The following MRRF variants were observed in gnomAD, a reference collection of about 807,000 sequenced individuals.
MRRF encodes ribosome-recycling factor, mitochondrial.
MRRF carries 18 observed loss-of-function variants against 25.1 expected under a neutral mutation model. That is an observed-to-expected ratio of 0.72 (90% CI 0.50 to 1.06). MRRF has a LOEUF of 1.06. Ranked by LOEUF, MRRF falls within the 50% of genes least tolerant of loss-of-function variation. The pLI, the probability that MRRF is intolerant of heterozygous loss-of-function variation, is 0.00. For synonymous variants in MRRF, 113 were observed against 112.1 expected, an observed-to-expected ratio of 1.01 and a Z score of -0.05; for missense variants, 323 against 319.3, an observed-to-expected ratio of 1.01 and a Z score of -0.09.
chr9:122,267,875 A>G (rs1000146984), intron 1 of MRRF, among the ~76,000 whole-genome samples: 5 of 152,168 alleles, frequency 3.3e-5, no homozygotes, highest in Non-Finnish European at 5.9e-5. Flanking sequence ...TAATATCACT[A>G]TGATGATGAT....
chr9:122,320,862 A>G (rs1056355921), intron 6 of MRRF, among the ~76,000 whole-genome samples: 4 of 152,202 alleles, frequency 2.6e-5, no homozygotes, highest in African/African-American at 7.2e-5. Context: ...CCTTGGCACC[A>G]TGCTGCAGCC....
intron 5 of MRRF, among the ~76,000 whole-genome samples, chr9:122,296,948 A>G (rs1487692805): frequency 6.6e-6 from 1 of 152,204 alleles, no homozygotes; most frequent in Non-Finnish European, 1.5e-5. Flanking sequence ...CCAAGTTTGC[A>G]TCTTTCCTTG....
At chr9:122,320,909 C>G (rs2119014128) in intron 6 of MRRF, among the ~76,000 whole-genome samples, 1 of 152,338 alleles carries the variant, frequency 6.6e-6, no homozygotes, top group Middle Eastern at 3.4e-3. Flanking sequence ...TGCTTTCAGT[C>G]TCTTTTCGAC....
At chr9:122,311,630 GT>G (rs984683663) in intron 5 of MRRF, among the ~76,000 whole-genome samples, 1 of 151,950 alleles carries the variant, frequency 6.6e-6, no homozygotes, top group Non-Finnish European at 1.5e-5. Context: ...TTTAATGTAT[GT>G]TTTTTCCTCC....
At chr9:122,299,026 A>G (rs1834269368) in intron 5 of MRRF, among the ~76,000 whole-genome samples, 2 of 152,040 alleles carry the variant, frequency 1.3e-5, no homozygotes, top group African/African-American at 2.4e-5. Context: ...CTGAGGTGGG[A>G]GTCTACCTGG....
intron 5 of MRRF, among the ~76,000 whole-genome samples, chr9:122,304,062 AACACACACAC>A (rs66775611): frequency 9.3e-5 from 13 of 139,886 alleles, no homozygotes; most frequent in South Asian, 2.4e-4. Flanking sequence ...ACCCTTTTCT[AACACACACAC>A]ACACACACAC....
intron 6 of MRRF, among the ~76,000 whole-genome samples, chr9:122,319,058 C>G (rs1002986518): frequency 6.6e-6 from 1 of 152,120 alleles, no homozygotes; most frequent in Non-Finnish European, 1.5e-5. Context: ...GCTGTGGGAC[C>G]CCTCCAAAAG....
At chr9:122,308,549 A>G (rs1835007083) in intron 5 of MRRF, among the ~76,000 whole-genome samples, 1 of 151,728 alleles carries the variant, frequency 6.6e-6, no homozygotes, top group African/African-American at 2.4e-5. Context: ...AAATACAAAA[A>G]TTATCCAGGC....
chr9:122,293,468 A>G (rs1208638374), intron 5 of MRRF, among the ~76,000 whole-genome samples: 1 of 152,198 alleles, frequency 6.6e-6, no homozygotes, highest in African/African-American at 2.4e-5. Flanking sequence ...ATCAATCCCA[A>G]CACGGGAGTC....
intron 4 of MRRF, among the ~76,000 whole-genome samples, chr9:122,290,000 G>C (rs1295622771): frequency 6.6e-6 from 1 of 151,306 alleles, no homozygotes; most frequent in Non-Finnish European, 1.5e-5. Context: ...GCTGCAGTGA[G>C]CCGTGATTAT....
rs1279963207 is a variant in MRRF at position 122,325,029 on chromosome 9, AC to A, written c.*2413del. 6.6e-6 allele frequency: 1 copy of A among 152,188 alleles called. No homozygotes were observed. The highest frequency in any genetic ancestry group is 2.4e-5 in the African/African-American group (1 of 41,442). The allele number at this position is 152,188 out of a possible 1,614,324, so 9.4% of individuals were successfully genotyped here. A position where few individuals can be genotyped will look rare whatever the true frequency, so the allele number is the denominator to read the frequency against. The stretch of plus-strand genomic sequence containing the variant: ...CATGAGTGGCCGAAATCCCCCACTC[AC>A]TGCAAATGTGCTTCTCAAAGATGCA... On this transcript the variant is annotated 3_prime_UTR_variant, in exon 7 of 7. Transcript: ENST00000344641.
chr9:122,293,569 A>G (rs568434575), intron 5 of MRRF, among the ~76,000 whole-genome samples: 1 of 152,344 alleles, frequency 6.6e-6, no homozygotes, highest in Non-Finnish European at 1.5e-5. Flanking sequence ...GTGAGGCTGA[A>G]GTAACACTCT....
At chr9:122,296,302 C>T (rs1218964040) in intron 5 of MRRF, among the ~76,000 whole-genome samples, 2 of 152,138 alleles carry the variant, frequency 1.3e-5, no homozygotes, top group African/African-American at 4.8e-5. Context: ...TTTTTTGGGA[C>T]ATTCCTGTTA....
chr9:122,327,166 A>T lies in MRRF; in HGVS notation c.*4549A>T, dbSNP rs1363369660. 6.6e-6 allele frequency: 1 copy of T among 152,268 alleles called. No individual in the cohort carries two copies. Among genetic ancestry groups the T allele is most frequent in the South Asian group, 2.1e-4 (1 of 4,836 alleles). 9.4% of individuals were successfully genotyped at this position (152,268 alleles called of 1,614,324 possible). On this transcript the variant is annotated 3_prime_UTR_variant, in exon 7 of 7. Transcript: ENST00000344641. ...AAATGGTAGCTCTTATGGAGACAGTAAAGATTACATATTAATCCCCCACCT... is the reference window on the plus strand; with the variant it reads ...AAATGGTAGCTCTTATGGAGACAGTTAAGATTACATATTAATCCCCCACCT...
chr9:122,317,934 G>A (rs759592972), intron 6 of MRRF, among the ~76,000 whole-genome samples: 1 of 151,980 alleles, frequency 6.6e-6, no homozygotes, highest in Non-Finnish European at 1.5e-5. Flanking sequence ...TCAGGAGATC[G>A]AGACCGTCCT....
chr9:122,283,759 G>A (rs1303636566), intron 3 of MRRF, among the ~76,000 whole-genome samples: 1 of 152,270 alleles, frequency 6.6e-6, no homozygotes, highest in South Asian at 2.1e-4. Flanking sequence ...AGCCATCCTT[G>A]AGTGGTTCCT....
rs181321386 is a variant in MRRF at position 122,322,341 on chromosome 9, C to T, written c.712-199C>T. Among the ~76,000 whole-genome samples the T allele has an allele frequency of 5.1e-3, 763 of 150,118 alleles. 4 individuals are homozygous for T. The highest frequency in any genetic ancestry group is 0.017 in the Middle Eastern group (5 of 294). On this transcript the variant is annotated intron_variant, in intron 6 of 6. Transcript: ENST00000344641. ...TTGCACCACTGCACTCCAGCCTGGGCGACAGAGCGAGACTTTGTCTCAAAA... is the reference window on the plus strand; with the variant it reads ...TTGCACCACTGCACTCCAGCCTGGGTGACAGAGCGAGACTTTGTCTCAAAA...
intron 1 of MRRF, among the ~76,000 whole-genome samples, chr9:122,266,542 T>C (rs1418074406): frequency 6.6e-6 from 1 of 152,204 alleles, no homozygotes. Context: ...ATTATCACTC[T>C]TTAGTTATGA....
chr9:122,302,526 G>A (rs1428053488), intron 5 of MRRF, among the ~76,000 whole-genome samples: 2 of 152,108 alleles, frequency 1.3e-5, no homozygotes, highest in Non-Finnish European at 1.5e-5. Context: ...GTTGTAGCAC[G>A]TGTCAGTACT....
Sources: allele counts gnomAD v4.1 joint callset (sites outside exome capture counted in the v4.1 genomes callset), GRCh38; gene constraint gnomAD v4.1.1; transcripts MANE v1.5; gene names NCBI Gene and HGNC (gene_info 2026-07-23, HGNC 2026-07-21).